Variants in SPINK4 observed in about 807,000 individuals in gnomAD.
SPINK4 encodes the protein serine protease inhibitor Kazal-type 4.
Under a neutral mutation model 12.3 loss-of-function variants are expected in SPINK4, and 10 were observed. The ratio of observed to expected loss-of-function variants is 0.81; its 90% confidence interval spans 0.50 to 1.37. SPINK4 has a LOEUF of 1.37. SPINK4 is among the 40% of genes most tolerant of loss of function. SPINK4 has a pLI of 0.00. For missense variants in SPINK4, 91 were observed against 109.0 expected, an observed-to-expected ratio of 0.84 and a Z score of 0.73; for synonymous variants, 37 against 40.2, an observed-to-expected ratio of 0.92 and a Z score of 0.30.
At chr9:33,247,336 T>G (rs1587781472) in intron 3 of SPINK4, among the ~76,000 whole-genome samples, 1 of 151,516 alleles carries the variant, frequency 6.6e-6, no homozygotes, top group East Asian at 1.9e-4. Context: ...TTTTTTTTTT[T>G]TTTGTATTTT....
At chr9:33,244,415 C>T (rs1007742185) in intron 1 of SPINK4, among the ~76,000 whole-genome samples, 5 of 152,078 alleles carry the variant, frequency 3.3e-5, no homozygotes, top group African/African-American at 9.7e-5. Flanking sequence ...TACTGGGGAG[C>T]GTTCATGGGA....
At chr9:33,240,294 C>G in intron 1 of SPINK4, 25 bp downstream of exon 1, 1 of 1,582,520 alleles carries the variant, frequency 6.3e-7, no homozygotes. Context: ...CCTGGATTCT[C>G]TGTGGCTTTG....
Position 33,240,284 on chromosome 9 carries a change from C to A in SPINK4, c.61+15C>A. On this transcript the variant is annotated intron_variant, in intron 1 of 3. Coordinates refer to ENST00000379721, the MANE Select transcript of SPINK4 (RefSeq NM_014471.3). ...TGTGGACAGGGGTGAGTGGGCAGAA[C>A]CTGGATTCTCTGTGGCTTTGTGTTG... 1.3e-6 allele frequency: 2 copies of A among 1,591,452 alleles called. No individual in the cohort carries two copies. Among genetic ancestry groups the A allele is most frequent in the East Asian group, 2.3e-5 (1 of 42,974 alleles).
chr9:33,241,552 G>C (rs947756359), intron 1 of SPINK4, among the ~76,000 whole-genome samples: 1 of 152,192 alleles, frequency 6.6e-6, no homozygotes, highest in African/African-American at 2.4e-5. Flanking sequence ...GGCACAGGGG[G>C]AAAGGGAAAC....
At position 33,245,712 on chromosome 9, in the gene SPINK4, G is replaced by A. The variant is rs77745023; in HGVS notation, c.102+560G>A. On this transcript the variant is annotated intron_variant, in intron 2 of 3. Coordinates refer to ENST00000379721, the MANE Select transcript of SPINK4 (RefSeq NM_014471.3). ...TTCATGTAGTGGAATGAGGAGGCTC[G>A]GAGCCACCTTCCCATCCACAGCCTC... Among the ~76,000 whole-genome samples the A allele has an allele frequency of 7.2e-5, 11 of 152,270 alleles. No individual in the cohort carries two copies. In the East Asian group the frequency reaches 9.6e-4, roughly 13 times the overall value.
chr9:33,243,487 T>C lies in SPINK4; in HGVS notation c.62-1625T>C, dbSNP rs79954286. On this transcript the variant is annotated intron_variant, in intron 1 of 3. Coordinates refer to ENST00000379721, the MANE Select transcript of SPINK4 (RefSeq NM_014471.3). ...AGCTTCCCAATGTGATTTTTTTCCA[T>C]CATAGATTAGTTGGCCTGTTCTAGG... 6.2e-3 allele frequency among the ~76,000 whole-genome samples: 950 copies of C among 152,320 alleles called. 7 individuals carry two copies. Among genetic ancestry groups the C allele is most frequent in the African/African-American group, 0.022 (904 of 41,574 alleles).
intron 3 of SPINK4, chr9:33,248,079 G>C (rs762636694): frequency 1.9e-5 from 5 of 265,298 alleles, no homozygotes; most frequent in Non-Finnish European, 3.6e-5. Context: ...AGTTCTGTGG[G>C]GGGCAGTGAT....
chr9:33,246,223 CT>C (rs1200749371), intron 2 of SPINK4, among the ~76,000 whole-genome samples: 1 of 142,910 alleles, frequency 7.0e-6, no homozygotes, highest in Non-Finnish European at 1.5e-5. Context: ...GTTCCGTATC[CT>C]GGGGTCTTCA....
chr9:33,247,461 C>A (rs1459454817), intron 3 of SPINK4, among the ~76,000 whole-genome samples: 1 of 151,986 alleles, frequency 6.6e-6, no homozygotes, highest in Admixed American at 6.6e-5. Flanking sequence ...AGCCACCGTG[C>A]CCGGCCTTCA....
chr9:33,245,004 G>A (rs1820271794), intron 1 of SPINK4, 108 bp from the exon 2 acceptor site: 2 of 1,027,204 alleles, frequency 1.9e-6, no homozygotes, highest in African/African-American at 3.3e-5. Flanking sequence ...AGGAATTCCA[G>A]GTTGGGTAGT....
intron 1 of SPINK4, among the ~76,000 whole-genome samples, chr9:33,240,624 C>T (rs746380): frequency 0.041 from 6,301 of 152,238 alleles, 413 homozygotes; most frequent in African/African-American, 0.14. Context: ...GAGAGACTGA[C>T]AAGTATGCTG....
chr9:33,246,779 G>A, intron 3 of SPINK4, 51 bp downstream of exon 3: 2 of 1,536,456 alleles, frequency 1.3e-6, no homozygotes, highest in Non-Finnish European at 1.8e-6. Flanking sequence ...CATCTCTGGT[G>A]CACAGTCTGA....
At chr9:33,248,348 A>C (rs1406418173) in intron 3 of SPINK4, 78 bp from the exon 4 acceptor site, 1 of 1,501,324 alleles carries the variant, frequency 6.7e-7, no homozygotes, top group Non-Finnish European at 9.2e-7. Context: ...GGATGTCTGG[A>C]TGGACTGTGC....
chr9:33,248,372 G>A, intron 3 of SPINK4, 54 bp from the exon 4 acceptor site: 1 of 1,599,868 alleles, frequency 6.3e-7, no homozygotes, highest in South Asian at 1.1e-5. Context: ...GTCCCTGAAT[G>A]GTACACTACA....
At chr9:33,241,070 T>C (rs1820229943) in intron 1 of SPINK4, among the ~76,000 whole-genome samples, 2 of 152,056 alleles carry the variant, frequency 1.3e-5, no homozygotes, top group Non-Finnish European at 1.5e-5. Flanking sequence ...GAGAGTCCGA[T>C]GTTTGAGCAA....
rs1820217834 is a variant in SPINK4, at chr9:33,240,208, C to T, written c.-1C>T. The T allele has an allele frequency of 1.2e-6, 2 of 1,604,504 alleles. No individual in the cohort carries two copies. The highest frequency in any genetic ancestry group is 1.7e-6 in the Non-Finnish European group (2 of 1,175,812). On this transcript the variant is annotated 5_prime_UTR_variant, in exon 1 of 4. Coordinates refer to ENST00000379721, the MANE Select transcript of SPINK4 (RefSeq NM_014471.3). The stretch of plus-strand genomic sequence containing the variant: ...TCAGGCTACACTATCCCAGGATCAG[C>T]ATGGCCGTCCGCCAGTGGGTAATCG...
intron 1 of SPINK4, among the ~76,000 whole-genome samples, chr9:33,240,598 A>G (rs1458030277): frequency 2.0e-5 from 3 of 152,232 alleles, no homozygotes; most frequent in Admixed American, 6.5e-5. Context: ...GGGAGCAGGT[A>G]GGTCCCAGCT....
intron 3 of SPINK4, chr9:33,248,164 G>A (rs561396802): frequency 1.2e-5 from 6 of 514,722 alleles, no homozygotes; most frequent in South Asian, 2.4e-5. Context: ...ACATAGGTCC[G>A]AGCTGGAGAC....
At chr9:33,243,800 T>TA (rs776350937) in intron 1 of SPINK4, among the ~76,000 whole-genome samples, 13 of 152,278 alleles carry the variant, frequency 8.5e-5, no homozygotes, top group South Asian at 8.3e-4. Flanking sequence ...TGGGGTGACT[T>TA]AGTCTAAGTT....
Sources: allele counts gnomAD v4.1 joint callset (sites outside exome capture counted in the v4.1 genomes callset), GRCh38; gene constraint gnomAD v4.1.1; transcripts MANE v1.5; gene names NCBI Gene and HGNC (gene_info 2026-07-23, HGNC 2026-07-21).